Variants in PHF24 observed in about 807,000 individuals in gnomAD.
PHF24 encodes the protein Galpha inhibitory interacting protein.
In PHF24, 25 loss-of-function variants were observed where a neutral mutation model predicts 42.6. The ratio of observed to expected loss-of-function variants is 0.59; its 90% CI spans 0.43 to 0.82. The LOEUF (loss-of-function observed/expected upper bound fraction) is 0.82. Among genes scored for constraint, PHF24 ranks in the 40% least tolerant of loss-of-function variants. PHF24 has a pLI of 0.00. For missense variants in PHF24, 470 were observed against 538.1 expected, an observed-to-expected ratio of 0.87 and a Z score of 1.25; for synonymous variants, 185 against 204.8, an observed-to-expected ratio of 0.90 and a Z score of 0.83.
chr9:34,888,544 G>C, the PHF24 span, among the ~76,000 whole-genome samples: 1 of 152,158 alleles, frequency 6.6e-6, no homozygotes, highest in African/African-American at 2.4e-5. Flanking sequence ...TCTCAGTTGG[G>C]TTACCCTTAA....
chr9:34,680,414 C>T, the PHF24 span, among the ~76,000 whole-genome samples: 9 of 150,692 alleles, frequency 6.0e-5, no homozygotes, highest in East Asian at 8.0e-4. Flanking sequence ...GAAGGCCGGG[C>T]GCGGTGGCTC....
the PHF24 span, among the ~76,000 whole-genome samples, chr9:34,859,028 G>A: frequency 6.6e-6 from 1 of 152,142 alleles, no homozygotes; most frequent in Non-Finnish European, 1.5e-5. Flanking sequence ...AAAAGTTGAA[G>A]GTTTCTAAGG....
the PHF24 span, chr9:34,834,949 A>C: frequency 2.0e-5 from 29 of 1,443,492 alleles, 1 homozygote; most frequent in African/African-American, 5.0e-4. Flanking sequence ...GAAGGCCTTG[A>C]GATCCCATGA....
At chr9:34,893,505 G>A in the PHF24 span, among the ~76,000 whole-genome samples, 13 of 152,016 alleles carry the variant, frequency 8.6e-5, 1 homozygote, top group South Asian at 2.1e-4. Context: ...GGAGGCAGAG[G>A]TAGGAGAGTC....
At chr9:34,949,768 A>C in the PHF24 span, among the ~76,000 whole-genome samples, 2 of 152,034 alleles carry the variant, frequency 1.3e-5, no homozygotes, top group African/African-American at 4.8e-5. Flanking sequence ...CAAACACCGC[A>C]TGTTCTCACT....
At chr9:34,789,839 C>T in the PHF24 span, among the ~76,000 whole-genome samples, 4 of 152,110 alleles carry the variant, frequency 2.6e-5, no homozygotes, top group African/African-American at 9.7e-5. Flanking sequence ...AAGGATTTTG[C>T]TGTTTGTTTT....
chr9:34,739,008 A>G, the PHF24 span, among the ~76,000 whole-genome samples: 2 of 152,168 alleles, frequency 1.3e-5, no homozygotes, highest in East Asian at 1.9e-4. Context: ...GAGCCAGAAC[A>G]CTTCTATTTC....
At chr9:34,980,473 C>G (rs1023717125) in exon 8 of PHF24, 2 of 152,256 alleles carry the variant, frequency 1.3e-5, no homozygotes, top group African/African-American at 4.8e-5. Flanking sequence ...TCCTAGGAAG[C>G]AGGAAAGCAC....
chr9:34,825,723 G>C, the PHF24 span, among the ~76,000 whole-genome samples: 1 of 151,836 alleles, frequency 6.6e-6, no homozygotes, highest in Non-Finnish European at 1.5e-5. Flanking sequence ...TGACATGTTT[G>C]TGCTTACTCT....
At chr9:34,709,786 G>T in the PHF24 span, 1 of 1,614,114 alleles carries the variant, frequency 6.2e-7, no homozygotes, top group South Asian at 1.1e-5. Flanking sequence ...CAGGATAGCT[G>T]GGATGGAGCA....
the PHF24 span, among the ~76,000 whole-genome samples, chr9:34,865,061 C>T: frequency 6.6e-6 from 1 of 150,810 alleles, no homozygotes; most frequent in Non-Finnish European, 1.5e-5. Flanking sequence ...CGCCTGTAGT[C>T]CCAGCTACTC....
the PHF24 span, among the ~76,000 whole-genome samples, chr9:34,855,769 G>T: frequency 6.6e-6 from 1 of 152,044 alleles, no homozygotes; most frequent in South Asian, 2.1e-4. Flanking sequence ...TGATCTTGTG[G>T]AGTATCTTAC....
At chr9:34,876,879 A>G in the PHF24 span, among the ~76,000 whole-genome samples, 12 of 152,224 alleles carry the variant, frequency 7.9e-5, no homozygotes, top group African/African-American at 2.9e-4. Context: ...ACCGATGTTC[A>G]TAGTAGCATT....
the PHF24 span, among the ~76,000 whole-genome samples, chr9:34,803,776 A>G: frequency 6.6e-6 from 1 of 152,218 alleles, no homozygotes; most frequent in Non-Finnish European, 1.5e-5. Flanking sequence ...ACCGTTTTAC[A>G]TATTAAAACA....
At chr9:34,732,183 T>C in the PHF24 span, among the ~76,000 whole-genome samples, 1 of 152,110 alleles carries the variant, frequency 6.6e-6, no homozygotes, top group African/African-American at 2.4e-5. Context: ...TCCATACTGG[T>C]CTCCATAGTA....
the PHF24 span, among the ~76,000 whole-genome samples, chr9:34,775,367 G>T: frequency 6.6e-6 from 1 of 152,154 alleles, no homozygotes; most frequent in South Asian, 2.1e-4. Context: ...AAGAATACTT[G>T]TTAGCAGGGA....
chr9:34,965,046 ACT>A (rs1163184166), intron 1 of PHF24, among the ~76,000 whole-genome samples: 2 of 151,854 alleles, frequency 1.3e-5, no homozygotes, highest in Non-Finnish European at 2.9e-5. Flanking sequence ...TTTCCTTTTA[ACT>A]CTCTCTTTTT....
chr9:34,795,458 C>G, the PHF24 span, among the ~76,000 whole-genome samples: 3 of 151,498 alleles, frequency 2.0e-5, no homozygotes, highest in African/African-American at 7.3e-5. Context: ...ACCTAGTCTA[C>G]AATAATTGAT....
the PHF24 span, among the ~76,000 whole-genome samples, chr9:34,732,794 T>C: frequency 6.6e-6 from 1 of 152,368 alleles, no homozygotes; most frequent in Admixed American, 6.5e-5. Flanking sequence ...ATTTTCTTCA[T>C]AAATGGAAAC....
Sources: allele counts gnomAD v4.1 joint callset (sites outside exome capture counted in the v4.1 genomes callset), GRCh38; gene constraint gnomAD v4.1.1; transcripts MANE v1.5; gene names NCBI Gene and HGNC (gene_info 2026-07-23, HGNC 2026-07-21).